The following OPCML variants were observed in gnomAD, a reference collection of about 807,000 sequenced individuals.
The protein encoded by OPCML is opioid-binding protein/cell adhesion molecule.
A neutral mutation model predicts 37.8 loss-of-function variants in OPCML; 13 were observed. The ratio of observed to expected loss-of-function variants is 0.34; its 90% CI spans 0.22 to 0.55. The LOEUF is 0.55. Among genes scored for constraint, OPCML ranks in the 20% least tolerant of loss-of-function variants. The pLI, the probability that OPCML is intolerant of heterozygous loss-of-function variation, is 0.91. For missense variants in OPCML, 341 were observed against 435.6 expected, an observed-to-expected ratio of 0.78 and a Z score of 1.93; for synonymous variants, 176 against 168.8, an observed-to-expected ratio of 1.04 and a Z score of -0.33.
chr11:132,701,558 T>C (rs1002883326), intron 2 of OPCML, among the ~76,000 whole-genome samples: 5 of 152,202 alleles, frequency 3.3e-5, no homozygotes, highest in African/African-American at 4.8e-5. Flanking sequence ...GAGGTCCTTG[T>C]TGACAGCAAA....
At chr11:133,004,280 A>C in intron 1 of OPCML, 1 of 985,468 alleles carries the variant, frequency 1.0e-6, no homozygotes. Flanking sequence ...AGAGGAAAGC[A>C]AATGTGATTT....
At chr11:133,221,605 A>C (rs897994361) in intron 1 of OPCML, among the ~76,000 whole-genome samples, 1 of 152,204 alleles carries the variant, frequency 6.6e-6, no homozygotes, top group Admixed American at 6.5e-5. Context: ...CCCTGTGTGA[A>C]GGTGCAAGGC....
At chr11:133,459,302 T>G (rs531398205) in intron 1 of OPCML, among the ~76,000 whole-genome samples, 1 of 151,942 alleles carries the variant, frequency 6.6e-6, no homozygotes, top group South Asian at 2.1e-4. Flanking sequence ...AAAACAGTCA[T>G]GCAAAAAATG....
At chr11:133,075,685 A>C (rs1277856369) in intron 1 of OPCML, among the ~76,000 whole-genome samples, 2 of 152,118 alleles carry the variant, frequency 1.3e-5, no homozygotes, top group Non-Finnish European at 2.9e-5. Flanking sequence ...AGGAGGAAGA[A>C]ATTCTTCCGA....
At chr11:132,545,557 T>G (rs916430436) in intron 3 of OPCML, among the ~76,000 whole-genome samples, 2 of 152,228 alleles carry the variant, frequency 1.3e-5, no homozygotes. Flanking sequence ...TTCAAAAATA[T>G]ATTCAGAAAA....
Position 133,009,695 on chromosome 11 carries a change from G to C in OPCML, c.62-66685C>G, listed in dbSNP as rs1591907323. ...GGCATTAGTTAGATTCTCATAAGGA[G>C]CACAGACTAGGTCCCTCACATGCGT... On this transcript the variant is annotated intron_variant, in intron 1 of 7. Transcript: ENST00000524381. Among the ~76,000 whole-genome samples, 3 of 152,188 alleles carry C rather than the reference G, an allele frequency of 2.0e-5. 1 individual carries two copies. The South Asian group carries it at 6.2e-4, about 32-fold the overall frequency.
chr11:133,238,600 A>G (rs1307134015), intron 1 of OPCML, among the ~76,000 whole-genome samples: 1 of 151,936 alleles, frequency 6.6e-6, no homozygotes, highest in Non-Finnish European at 1.5e-5. Context: ...TGTCCTACCC[A>G]CCCACCTGCA....
At chr11:132,486,432 C>A (rs1049726354) in intron 4 of OPCML, among the ~76,000 whole-genome samples, 1 of 151,960 alleles carries the variant, frequency 6.6e-6, no homozygotes, top group East Asian at 1.9e-4. Flanking sequence ...GCATTTTGAA[C>A]TTCAGAACAG....
chr11:133,021,249 T>A (rs1279240322), intron 1 of OPCML, among the ~76,000 whole-genome samples: 1 of 152,124 alleles, frequency 6.6e-6, no homozygotes, highest in Non-Finnish European at 1.5e-5. Flanking sequence ...GATGGTGAAA[T>A]GTTTTTGCCC....
intron 1 of OPCML, among the ~76,000 whole-genome samples, chr11:133,102,440 A>C (rs958352745): frequency 3.3e-5 from 5 of 152,136 alleles, no homozygotes; most frequent in Non-Finnish European, 5.9e-5. Flanking sequence ...ATTCTGGGAA[A>C]TGCATTCTCA....
rs940073502 is a variant in OPCML, at chr11:133,211,015, A to C, written c.62-268005T>G. 1.3e-5 allele frequency among the ~76,000 whole-genome samples: 2 copies of C among 152,166 alleles called. No homozygotes were observed. Among genetic ancestry groups the C allele is most frequent in the South Asian group, 4.1e-4 (2 of 4,830 alleles). ...AGGATTTAGCTGAAAAACAAAAATT[A>C]AAAAAATGTGCAGAGAAGTCTCTCT... On this transcript the variant is annotated intron_variant, in intron 1 of 7. Transcript: ENST00000524381. This position sits in a 1 kb window ranked among gnomAD's most constrained non-coding sequence, Gnocchi z 4.1.
At chr11:133,340,654 G>C (rs1228282201) in intron 1 of OPCML, among the ~76,000 whole-genome samples, 1 of 144,696 alleles carries the variant, frequency 6.9e-6, no homozygotes, top group African/African-American at 2.6e-5. Context: ...GTGTGTAAGA[G>C]CTTTTACATT....
intron 1 of OPCML, chr11:133,004,701 TGCTA>T: frequency 1.0e-6 from 1 of 985,408 alleles, no homozygotes; most frequent in Non-Finnish European, 1.2e-6. Context: ...CTTGCCTTGG[TGCTA>T]GCTGACTTTA....
At chr11:132,436,336 C>A (rs774738771) in intron 6 of OPCML, 99 bp from the exon 7 acceptor site, 40 of 1,599,306 alleles carry the variant, frequency 2.5e-5, no homozygotes, top group Non-Finnish European at 3.4e-5. Context: ...CAAACTCAAA[C>A]CCTAAGCACT....
chr11:133,404,017 G>T (rs7938359), intron 1 of OPCML, among the ~76,000 whole-genome samples: 15,888 of 152,170 alleles, frequency 0.1, 965 homozygotes, highest in African/African-American at 0.16. Context: ...CTGGAAGTTC[G>T]AAGCCCAGTT....
chr11:132,815,287 C>T (rs1166204732), intron 2 of OPCML, among the ~76,000 whole-genome samples: 1 of 152,182 alleles, frequency 6.6e-6, no homozygotes, highest in African/African-American at 2.4e-5. Context: ...TCCTCCGCAT[C>T]TTGACCTGTC....
At chr11:133,093,512 T>C (rs2137056716) in intron 1 of OPCML, among the ~76,000 whole-genome samples, 1 of 152,312 alleles carries the variant, frequency 6.6e-6, no homozygotes, top group East Asian at 1.9e-4. Flanking sequence ...AGCACAAACG[T>C]AGGTAATTTA....
At chr11:132,949,960 G>A (rs1328757739) in intron 1 of OPCML, among the ~76,000 whole-genome samples, 2 of 152,158 alleles carry the variant, frequency 1.3e-5, no homozygotes, top group African/African-American at 4.8e-5. Context: ...TCTCTGAAGA[G>A]GGAGCATTTG....
intron 1 of OPCML, among the ~76,000 whole-genome samples, chr11:133,496,351 C>T (rs763451690): frequency 6.6e-6 from 1 of 152,058 alleles, no homozygotes; most frequent in Admixed American, 6.6e-5. Context: ...CCAGATTTGT[C>T]CTTCTTGCTT....
Sources: gnomAD v4.1 joint callset for allele counts (sites outside exome capture counted in the v4.1 genomes callset) on GRCh38, gnomAD v4.1.1 for gene constraint, Gnocchi (gnomAD v3.1) non-coding constraint, MANE v1.5 for transcripts, NCBI Gene and HGNC (gene_info 2026-07-23, HGNC 2026-07-21) for gene names.